Variants in MAPK8 observed in about 807,000 individuals in gnomAD.
MAPK8 encodes the protein mitogen-activated protein kinase 8.
Under a neutral mutation model 52.9 loss-of-function variants are expected in MAPK8, and 13 were observed. The ratio of observed to expected loss-of-function variants is 0.25; its 90% CI spans 0.16 to 0.39. The LOEUF (loss-of-function observed/expected upper bound fraction) is 0.39, where lower values mean the gene tolerates loss of function less well. MAPK8 is among the 10% of genes least tolerant of loss of function. MAPK8 has a pLI of 1.00. For missense variants in MAPK8, 300 were observed against 519.2 expected, an observed-to-expected ratio of 0.58 and a Z score of 4.10; for synonymous variants, 191 against 169.8, an observed-to-expected ratio of 1.12 and a Z score of -0.97.
rs920356864 is a variant in MAPK8, at chr10:48,362,527, A to G, written c.-49-39085A>G. Among the ~76,000 whole-genome samples the G allele has an allele frequency of 3.3e-5, 4 of 119,906 alleles. No homozygotes were observed. In the East Asian group the frequency reaches 8.4e-4, roughly 25 times the overall value. 78.7% of individuals were successfully genotyped at this position (119,906 alleles called of 152,430 possible). On this transcript the variant is annotated intron_variant, in intron 1 of 11. Transcript: ENST00000374189. ...GAACAAATACAAAGAAAAAAACCAC[A>G]TTTTCTTTTTATTAGCCTCTATTTT...
chr10:48,432,132 G>C (rs2044346309), intron 11 of MAPK8, among the ~76,000 whole-genome samples: 1 of 152,184 alleles, frequency 6.6e-6, no homozygotes, highest in Non-Finnish European at 1.5e-5. Flanking sequence ...GTTGTATGAA[G>C]GAGGTGAAAT....
At chr10:48,384,366 A>AC (rs2041188308) in intron 1 of MAPK8, among the ~76,000 whole-genome samples, 1 of 152,236 alleles carries the variant, frequency 6.6e-6, no homozygotes, top group South Asian at 2.1e-4. Flanking sequence ...AGTGAGGTAA[A>AC]GACCCTTACA....
chr10:48,410,155 G>A lies in MAPK8; in HGVS notation c.437G>A (p.Gly146Glu). ...GGAATCAAGCACCTTCATTCTGCTG[G>A]AATTATTCATCGGGTTAGTAGAAGA... is the stretch of plus-strand genomic sequence containing the variant. ...LCGIKHLHSA[G>E]IIHRDLKPSN... The change falls in exon 5 of 12, where the codon GGA becomes GAA. Residue 146 changes from glycine to glutamate, a missense_variant. By Grantham distance (98) the Gly-to-Glu change is moderately conservative (BLOSUM62 -2). Coordinates refer to ENST00000374189, the MANE Select transcript of MAPK8 (RefSeq NM_001323329.2). 1 of 1,535,358 alleles carries A rather than the reference G, an allele frequency of 6.5e-7. No homozygotes were observed. The highest frequency in any genetic ancestry group is 8.7e-7 in the Non-Finnish European group (1 of 1,144,182).
At chr10:48,375,723 TC>T (rs1317423976) in intron 1 of MAPK8, among the ~76,000 whole-genome samples, 1 of 152,080 alleles carries the variant, frequency 6.6e-6, no homozygotes, top group Non-Finnish European at 1.5e-5. Flanking sequence ...AAAACATTGC[TC>T]AAGGAAATAA....
At chr10:48,359,422 G>T (rs1315456958) in intron 1 of MAPK8, among the ~76,000 whole-genome samples, 1 of 152,116 alleles carries the variant, frequency 6.6e-6, no homozygotes, top group Non-Finnish European at 1.5e-5. Flanking sequence ...TTTGTAAGCT[G>T]TGATCATTTT....
chr10:48,357,414 A>C (rs1847083713), intron 1 of MAPK8, among the ~76,000 whole-genome samples: 1 of 152,154 alleles, frequency 6.6e-6, no homozygotes, highest in African/African-American at 2.4e-5. Flanking sequence ...TTGTGTTTTG[A>C]GACAGGGTCT....
In MAPK8 at chr10:48,338,555, A is replaced by G. The variant is rs1478430713; in HGVS notation, c.-50+31734A>G. On this transcript the variant is annotated intron_variant, in intron 1 of 11. Coordinates refer to ENST00000374189, the MANE Select transcript of MAPK8 (RefSeq NM_001323329.2). ...TGTCCACTCTCACCATTCCTTTTCA[A>G]CATAGTACTAGAAGTTCTAGCCAAA... Among the ~76,000 whole-genome samples, 5 of 152,288 alleles carry G rather than the reference A, an allele frequency of 3.3e-5. 1 individual carries two copies. The highest frequency in any genetic ancestry group is 1.2e-4 in the African/African-American group (5 of 41,582).
chr10:48,329,833 T>C (rs1413782412), intron 1 of MAPK8, among the ~76,000 whole-genome samples: 2 of 152,236 alleles, frequency 1.3e-5, no homozygotes, highest in Non-Finnish European at 2.9e-5. Flanking sequence ...TTCATAATTG[T>C]AATTAAGTAA....
chr10:48,315,118 T>C (rs77172527), intron 1 of MAPK8, among the ~76,000 whole-genome samples: 1 of 152,364 alleles, frequency 6.6e-6, no homozygotes, highest in African/African-American at 2.4e-5. Context: ...TTCCCTTTTA[T>C]TTCTCTTCCT....
Position 48,437,165 on chromosome 10 carries a change from C to CA in MAPK8, c.*2139dup, listed in dbSNP as rs1205716161. Reference sequence around the variant, plus strand: ...CATGTTCAGTTCAATTCAAAGAAAACAAACTCTCATTACTTAGTGTAAACT... The same window carrying CA: ...CATGTTCAGTTCAATTCAAAGAAAACAAAACTCTCATTACTTAGTGTAAACT... On this transcript the variant is annotated 3_prime_UTR_variant, in exon 12 of 12. Coordinates refer to ENST00000374189, the MANE Select transcript of MAPK8 (RefSeq NM_001323329.2). 1.3e-5 allele frequency: 2 copies of CA among 152,186 alleles called. No individual in the cohort carries two copies. The highest frequency in any genetic ancestry group is 1.3e-4 in the Admixed American group (2 of 15,270). 9.4% of individuals were successfully genotyped at this position (152,186 alleles called of 1,614,324 possible).
chr10:48,415,577 C>T (rs1258729515), intron 5 of MAPK8, among the ~76,000 whole-genome samples: 1 of 152,216 alleles, frequency 6.6e-6, no homozygotes, highest in East Asian at 1.9e-4. Flanking sequence ...TCGTAGCTAA[C>T]TTCAAAAGGC....
chr10:48,351,290 T>TTG (rs1554818154), intron 1 of MAPK8, among the ~76,000 whole-genome samples: 2 of 150,250 alleles, frequency 1.3e-5, no homozygotes, highest in Non-Finnish European at 3.0e-5. Context: ...TTTTTTTTTT[T>TTG]GAGACAGAGT....
chr10:48,387,411 G>A (rs906891947), intron 1 of MAPK8, among the ~76,000 whole-genome samples: 1 of 152,130 alleles, frequency 6.6e-6, no homozygotes, highest in East Asian at 1.9e-4. Context: ...TACAGAAAAG[G>A]GAGAAGGAGA....
At chr10:48,343,483 C>T (rs1350120983) in intron 1 of MAPK8, among the ~76,000 whole-genome samples, 6 of 152,146 alleles carry the variant, frequency 3.9e-5, no homozygotes, top group Non-Finnish European at 8.8e-5. Flanking sequence ...AGATAACATT[C>T]GCAGCTTCCA....
intron 1 of MAPK8, among the ~76,000 whole-genome samples, chr10:48,314,636 A>G (rs1299591223): frequency 2.0e-5 from 3 of 152,328 alleles, no homozygotes; most frequent in East Asian, 1.9e-4. Flanking sequence ...AGGTTGTCCA[A>G]CTTCCATTCC....
At position 48,420,265 on chromosome 10, in the gene MAPK8, G is replaced by C; in HGVS notation, c.561G>C (p.Val187=). The part of the protein sequence containing the change: ...GTSFMMTPYV[V]TRYYRAPEVI... ...GTTTTATGATGACGCCTTATGTAGTGACTCGCTACTACAGAGCACCCGAGG... is the reference window on the plus strand; with the variant it reads ...GTTTTATGATGACGCCTTATGTAGTCACTCGCTACTACAGAGCACCCGAGG... The change falls in exon 6 of 12, where the codon GTG becomes GTC. Residue 187 remains valine (V), a synonymous_variant. Transcript: ENST00000374189. 6.2e-7 allele frequency: 1 copy of C among 1,613,742 alleles called. No homozygotes were observed. The highest frequency in any genetic ancestry group is 8.5e-7 in the Non-Finnish European group (1 of 1,179,712).
intron 5 of MAPK8, among the ~76,000 whole-genome samples, chr10:48,413,848 TATATATATATA>T: frequency 7.8e-6 from 1 of 128,480 alleles, no homozygotes; most frequent in African/African-American, 2.8e-5. Context: ...TATATATATA[TATATATATATA>T]TTCAGAAATA....
intron 10 of MAPK8, among the ~76,000 whole-genome samples, chr10:48,427,790 T>G (rs928623265): frequency 6.6e-6 from 1 of 152,358 alleles, no homozygotes; most frequent in East Asian, 1.9e-4. Context: ...TTTGTTGATA[T>G]AATCAGATAT....
intron 1 of MAPK8, among the ~76,000 whole-genome samples, chr10:48,369,546 G>T (rs1366701700): frequency 1.3e-5 from 2 of 152,096 alleles, no homozygotes; most frequent in East Asian, 1.9e-4. Flanking sequence ...AGAGGGAAAA[G>T]CTCAATAGTA....
Sources: gnomAD v4.1 joint callset for allele counts (sites outside exome capture counted in the v4.1 genomes callset) on GRCh38, gnomAD v4.1.1 for gene constraint, MANE v1.5 for transcripts, NCBI Gene and HGNC (gene_info 2026-07-23, HGNC 2026-07-21) for gene names.